Variants in KAZN observed in about 807,000 individuals in gnomAD.
KAZN encodes kazrin.
Under a neutral mutation model 87.4 loss-of-function variants are expected in KAZN, and 40 were observed. The ratio of observed to expected loss-of-function variants is 0.46; its 90% CI spans 0.36 to 0.60. The LOEUF is 0.60. Ranked by LOEUF, KAZN falls within the 20% of genes least tolerant of loss-of-function variation. KAZN has a pLI of 0.00. For missense variants in KAZN, 898 were observed against 1,073.9 expected (o/e 0.84, Z 2.29); for synonymous variants, 466 against 458.3 (o/e 1.02, Z -0.22).
intron 2 of KAZN, among the ~76,000 whole-genome samples, chr1:14,411,771 A>AT (rs112607180): frequency 6.6e-6 from 1 of 152,248 alleles, no homozygotes; most frequent in African/African-American, 2.4e-5. Context: ...CAAGCATCAA[A>AT]TGTGAGCTGG....
chr1:13,965,601 G>A (rs902955353), intron 1 of KAZN, among the ~76,000 whole-genome samples: 4 of 152,098 alleles, frequency 2.6e-5, no homozygotes, highest in Admixed American at 1.3e-4. Flanking sequence ...AGCAAGACTG[G>A]GAGCTTCCTG....
intron 1 of KAZN, among the ~76,000 whole-genome samples, chr1:14,101,362 A>C (rs980650879): frequency 5.9e-5 from 9 of 152,248 alleles, no homozygotes; most frequent in African/African-American, 2.2e-4. Context: ...GGTTTATAAG[A>C]TAAATACTGT....
At chr1:14,229,139 A>T (rs554912813) in intron 2 of KAZN, among the ~76,000 whole-genome samples, 11 of 152,358 alleles carry the variant, frequency 7.2e-5, no homozygotes, top group Admixed American at 5.2e-4. Flanking sequence ...AAAATGGGGA[A>T]AATAAAATTG....
chr1:14,369,506 G>C (rs1207504251), intron 2 of KAZN, among the ~76,000 whole-genome samples: 6 of 152,176 alleles, frequency 3.9e-5, no homozygotes, highest in African/African-American at 1.4e-4. Flanking sequence ...TCTCCATCTG[G>C]AGAATGGTAA....
chr1:14,011,376 G>A (rs535058104), intron 1 of KAZN, among the ~76,000 whole-genome samples: 13 of 152,258 alleles, frequency 8.5e-5, no homozygotes, highest in Admixed American at 2.0e-4. Flanking sequence ...TTGCTTTCAC[G>A]TAGGATGTTT....
chr1:14,937,399 C>T (rs1194552370), intron 1 of KAZN, among the ~76,000 whole-genome samples: 1 of 152,230 alleles, frequency 6.6e-6, no homozygotes, highest in East Asian at 1.9e-4. Flanking sequence ...TCCCTTCCCC[C>T]TCCATCTTCA....
intron 2 of KAZN, among the ~76,000 whole-genome samples, chr1:14,294,927 A>G (rs1412246072): frequency 6.9e-6 from 1 of 145,200 alleles, no homozygotes; most frequent in Non-Finnish European, 1.5e-5. Flanking sequence ...GCAGCTATGG[A>G]CACAGAGGTC....
intron 2 of KAZN, among the ~76,000 whole-genome samples, chr1:15,027,975 G>A (rs1229529079): frequency 3.3e-5 from 5 of 152,330 alleles, no homozygotes; most frequent in South Asian, 4.2e-4. Flanking sequence ...TTGTGTACCC[G>A]ACAGAGCCCA....
chr1:14,402,256 C>T (rs1426361494), intron 2 of KAZN, among the ~76,000 whole-genome samples: 3 of 150,650 alleles, frequency 2.0e-5, no homozygotes, highest in Admixed American at 1.3e-4. Flanking sequence ...AAAAAATCTT[C>T]GATGTTATAG....
At chr1:14,460,489 C>T (rs1448680704) in intron 2 of KAZN, among the ~76,000 whole-genome samples, 2 of 152,216 alleles carry the variant, frequency 1.3e-5, no homozygotes, top group Admixed American at 1.3e-4. Context: ...CTTCCAGGGC[C>T]ACCAGCACCA....
intron 2 of KAZN, among the ~76,000 whole-genome samples, chr1:14,436,368 G>A (rs1289864010): frequency 6.6e-6 from 1 of 152,110 alleles, no homozygotes. Context: ...TGGTGGTGGT[G>A]GTGGTGGTGG....
chr1:14,955,810 C>T (rs1663023109), intron 1 of KAZN, among the ~76,000 whole-genome samples: 1 of 152,196 alleles, frequency 6.6e-6, no homozygotes, highest in African/African-American at 2.4e-5. Context: ...AGATGCCCTT[C>T]CTGTGCCTGC....
intron 1 of KAZN, among the ~76,000 whole-genome samples, chr1:13,945,568 T>C (rs908742439): frequency 4.7e-5 from 7 of 149,366 alleles, no homozygotes; most frequent in Non-Finnish European, 1.0e-4. Context: ...CAACTCACAA[T>C]ATATATATAG....
intron 1 of KAZN, among the ~76,000 whole-genome samples, chr1:14,885,586 G>A (rs1006551487): frequency 6.6e-6 from 1 of 151,982 alleles, no homozygotes; most frequent in African/African-American, 2.4e-5. Flanking sequence ...AGGTTCAAGC[G>A]ATCCTCCCAC....
chr1:14,853,140 G>A (rs564047006), intron 1 of KAZN, among the ~76,000 whole-genome samples: 1 of 152,306 alleles, frequency 6.6e-6, no homozygotes, highest in Admixed American at 6.5e-5. Flanking sequence ...TGGGTATCAT[G>A]CCTAGGCCCT....
At chr1:14,372,990 C>T (rs1167430798) in intron 2 of KAZN, among the ~76,000 whole-genome samples, 1 of 152,026 alleles carries the variant, frequency 6.6e-6, no homozygotes, top group Non-Finnish European at 1.5e-5. Context: ...ACAGAGTAAC[C>T]TGAGAGGGGC....
chr1:14,084,623 A>G (rs192074197), intron 1 of KAZN, among the ~76,000 whole-genome samples: 24 of 151,886 alleles, frequency 1.6e-4, no homozygotes, highest in African/African-American at 5.1e-4. Flanking sequence ...TGGTGGAACC[A>G]TTTACTTCAA....
intron 2 of KAZN, among the ~76,000 whole-genome samples, chr1:14,442,326 T>C (rs914607724): frequency 6.6e-6 from 1 of 152,204 alleles, no homozygotes; most frequent in Non-Finnish European, 1.5e-5. Flanking sequence ...TGGACACAAA[T>C]CACTACCCAT....
At chr1:14,791,539 G>A (rs537684456) in intron 1 of KAZN, among the ~76,000 whole-genome samples, 1 of 152,338 alleles carries the variant, frequency 6.6e-6, no homozygotes, top group Middle Eastern at 3.4e-3. Flanking sequence ...TCCTGGTGGA[G>A]GAATGTGCCT....
Sources: gnomAD v4.1 joint callset for allele counts (sites outside exome capture counted in the v4.1 genomes callset) on GRCh38, gnomAD v4.1.1 for gene constraint, MANE v1.5 for transcripts, NCBI Gene and HGNC (gene_info 2026-07-23, HGNC 2026-07-21) for gene names.